Variants in FHIT observed in about 807,000 individuals in gnomAD.
The protein encoded by FHIT is fragile histidine triad diadenosine triphosphatase.
FHIT carries 19 observed loss-of-function variants against 17.9 expected under a neutral mutation model. The observed-to-expected ratio is 1.06, with a 90% CI of 0.74 to 1.56. The LOEUF is 1.56. Ranked by LOEUF, FHIT falls within the 40% of genes most tolerant of loss-of-function variation. The pLI, the probability that FHIT is intolerant of heterozygous loss-of-function variation, is 0.00. For synonymous variants in FHIT, 81 were observed against 69.7 expected (o/e 1.16, Z -0.81); for missense variants, 248 against 189.2 (o/e 1.31, Z -1.82).
intron 2 of FHIT, among the ~76,000 whole-genome samples, chr3:61,072,039 G>T (rs966339387): frequency 6.6e-6 from 1 of 152,092 alleles, no homozygotes; most frequent in Non-Finnish European, 1.5e-5. Flanking sequence ...TCTCTTCCAA[G>T]ATCCAGGACT....
At chr3:59,951,486 C>A (rs1707114442) in intron 7 of FHIT, among the ~76,000 whole-genome samples, 1 of 152,172 alleles carries the variant, frequency 6.6e-6, no homozygotes. Context: ...GTCTTTTACC[C>A]AGACAAGGAA....
intron 5 of FHIT, among the ~76,000 whole-genome samples, chr3:60,233,963 C>A: frequency 6.6e-6 from 1 of 152,200 alleles, no homozygotes; most frequent in Non-Finnish European, 1.5e-5. Context: ...CCTTCCTTTA[C>A]AAATTACGTC....
At chr3:60,004,047 T>C (rs922208987) in intron 7 of FHIT, among the ~76,000 whole-genome samples, 1 of 152,100 alleles carries the variant, frequency 6.6e-6, no homozygotes, top group Non-Finnish European at 1.5e-5. Flanking sequence ...GATTAGTTAT[T>C]GAGCACTAGT....
intron 5 of FHIT, among the ~76,000 whole-genome samples, chr3:60,404,383 T>C (rs779968991): frequency 6.6e-6 from 1 of 152,060 alleles, no homozygotes; most frequent in Non-Finnish European, 1.5e-5. Flanking sequence ...GAGAATCTAT[T>C]ATTTCAGGTC....
intron 1 of FHIT, among the ~76,000 whole-genome samples, chr3:61,242,497 C>G (rs1363020697): frequency 6.6e-6 from 1 of 152,168 alleles, no homozygotes; most frequent in African/African-American, 2.4e-5. Flanking sequence ...TCCCCCTACC[C>G]CAGAAGCCCA....
intron 2 of FHIT, among the ~76,000 whole-genome samples, chr3:61,107,353 A>G (rs2036021337): frequency 6.6e-6 from 1 of 152,074 alleles, no homozygotes; most frequent in Non-Finnish European, 1.5e-5. Context: ...TGTATATCAC[A>G]TTTTCTTTAT....
At chr3:60,956,440 T>C (rs142285490) in intron 3 of FHIT, among the ~76,000 whole-genome samples, 85 of 152,336 alleles carry the variant, frequency 5.6e-4, no homozygotes, top group Middle Eastern at 3.4e-3. Context: ...TACTTCTTTC[T>C]GGAACCTTTA....
intron 5 of FHIT, among the ~76,000 whole-genome samples, chr3:60,149,572 C>G (rs1400252934): frequency 1.3e-5 from 2 of 152,076 alleles, no homozygotes; most frequent in African/African-American, 4.8e-5. Context: ...GGTAGGTAGC[C>G]TGAAGGTGCT....
chr3:60,211,068 T>TAAAAAAAAA, intron 5 of FHIT, among the ~76,000 whole-genome samples: 1 of 84,466 alleles, frequency 1.2e-5, no homozygotes, highest in Non-Finnish European at 2.4e-5. Flanking sequence ...TATAAAACCG[T>TAAAAAAAAA]AAAAAAAAAA....
intron 7 of FHIT, among the ~76,000 whole-genome samples, chr3:59,943,548 A>T (rs1706641549): frequency 6.6e-6 from 1 of 151,990 alleles, no homozygotes; most frequent in Non-Finnish European, 1.5e-5. Flanking sequence ...AGTAAGAACA[A>T]CTCAACTCTC....
intron 3 of FHIT, among the ~76,000 whole-genome samples, chr3:60,825,899 G>A (rs929978408): frequency 6.6e-6 from 1 of 152,056 alleles, no homozygotes; most frequent in Non-Finnish European, 1.5e-5. Flanking sequence ...TTTAGGCAGG[G>A]GTACAGGCAG....
At chr3:60,387,715 C>T (rs755596484) in intron 5 of FHIT, among the ~76,000 whole-genome samples, 18 of 152,064 alleles carry the variant, frequency 1.2e-4, no homozygotes, top group Non-Finnish European at 2.1e-4. Flanking sequence ...GCCTTTGAAG[C>T]GACTATACCC....
chr3:60,552,259 T>A (rs1428706505), intron 4 of FHIT, among the ~76,000 whole-genome samples: 2 of 152,202 alleles, frequency 1.3e-5, no homozygotes, highest in Admixed American at 6.5e-5. Flanking sequence ...TTACTACATT[T>A]TTGGACGTTT....
At chr3:60,534,974 G>A (rs1296900021) in intron 5 of FHIT, among the ~76,000 whole-genome samples, 1 of 152,134 alleles carries the variant, frequency 6.6e-6, no homozygotes, top group Non-Finnish European at 1.5e-5. Flanking sequence ...TTACTCTCAA[G>A]ATATGAGTAA....
At chr3:60,413,650 C>CTGTG (rs3060234) in intron 5 of FHIT, among the ~76,000 whole-genome samples, 12 of 150,496 alleles carry the variant, frequency 8.0e-5, no homozygotes, top group Admixed American at 2.0e-4. Context: ...GCAGGGAACT[C>CTGTG]TGTGTGTGTG....
intron 5 of FHIT, among the ~76,000 whole-genome samples, chr3:60,321,261 C>T (rs1191125889): frequency 6.6e-6 from 1 of 152,196 alleles, no homozygotes; most frequent in Non-Finnish European, 1.5e-5. Flanking sequence ...AGGCAGATCA[C>T]TTGAGCTCAG....
intron 5 of FHIT, among the ~76,000 whole-genome samples, chr3:60,250,772 T>TA (rs557752613): frequency 6.8e-4 from 103 of 152,064 alleles, no homozygotes; most frequent in East Asian, 2.7e-3. Context: ...GAAGAAGAAT[T>TA]AAAAAAAAGA....
chr3:59,905,931 A>T (rs1704566568), intron 8 of FHIT, among the ~76,000 whole-genome samples: 1 of 152,224 alleles, frequency 6.6e-6, no homozygotes, highest in South Asian at 2.1e-4. Flanking sequence ...TGCAAATAAC[A>T]GTGCTTTGTA....
At chr3:60,927,640 C>A (rs1707706832) in intron 3 of FHIT, among the ~76,000 whole-genome samples, 1 of 151,758 alleles carries the variant, frequency 6.6e-6, no homozygotes, top group Non-Finnish European at 1.5e-5. Flanking sequence ...GCCGCCCTGT[C>A]TGGGAGGTGA....
Sources: allele counts gnomAD v4.1 joint callset (sites outside exome capture counted in the v4.1 genomes callset), GRCh38; gene constraint gnomAD v4.1.1; transcripts MANE v1.5; gene names NCBI Gene and HGNC (gene_info 2026-07-23, HGNC 2026-07-21).